GALNT16: variants seen among roughly 807,000 people sequenced by gnomAD.
GALNT16 encodes UDP-GalNAc:polypeptide N-acetylgalactosaminyltransferase-like protein 1.
GALNT16 carries 40 observed loss-of-function variants against 76.1 expected under a neutral mutation model. The observed-to-expected ratio is 0.53, with a 90% confidence interval of 0.41 to 0.68. The LOEUF (loss-of-function observed/expected upper bound fraction) is 0.68. Among genes scored for constraint, GALNT16 ranks in the 30% least tolerant of loss-of-function variants. The pLI is 0.00. For missense variants in GALNT16, 621 were observed against 731.9 expected, an observed-to-expected ratio of 0.85 and a Z score of 1.75; for synonymous variants, 276 against 285.2, an observed-to-expected ratio of 0.97 and a Z score of 0.32.
chr14:69,289,126 C>T (rs1299985244), intron 1 of GALNT16, among the ~76,000 whole-genome samples: 1 of 152,194 alleles, frequency 6.6e-6, no homozygotes, highest in African/African-American at 2.4e-5. Flanking sequence ...AATCCTCCTA[C>T]CTCGGCCTCC....
intron 2 of GALNT16, among the ~76,000 whole-genome samples, chr14:69,322,990 ACGCGCGCACGCATG>A (rs2045224361): frequency 4.4e-5 from 1 of 22,644 alleles, no homozygotes; most frequent in Admixed American, 5.3e-4. Flanking sequence ...GTGCGCGCGC[ACGCGCGCACGCATG>A]CACACGTGTA....
chr14:69,385,651 GAA>G, the GALNT16 span, among the ~76,000 whole-genome samples: 456 of 126,478 alleles, frequency 3.6e-3, 5 homozygotes, highest in African/African-American at 0.012. Context: ...TAAAAAAAAG[GAA>G]AAAAAAAAAA....
In GALNT16 at chr14:69,322,981, T is replaced by TGTGTGCGCGC. The variant is rs1196943800; in HGVS notation, c.336-1710_336-1709insTGTGCGCGCG. On this transcript the variant is annotated intron_variant, in intron 2 of 14. Transcript: ENST00000448469. ...GTGTGTGTGTGTGTGTGTGTGTGTG[T>TGTGTGCGCGC]GCGCGCGCACGCGCGCACGCATGCA... is the stretch of plus-strand genomic sequence containing the variant. Among the ~76,000 whole-genome samples, 13 of 28,348 alleles carry TGTGTGCGCGC rather than the reference T, an allele frequency of 4.6e-4. 1 individual carries two copies. The highest frequency in any genetic ancestry group is 3.2e-3 in the Admixed American group (8 of 2,510). The allele number at this position is 28,348 out of a possible 152,430, so 18.6% of individuals were successfully genotyped here.
At chr14:69,325,486 G>T (rs2045269435) in intron 4 of GALNT16, 82 bp downstream of exon 4, 2 of 868,392 alleles carry the variant, frequency 2.3e-6, no homozygotes, top group Non-Finnish European at 4.0e-6. Flanking sequence ...AGCACCCTGA[G>T]GTTGTCCTGA....
At position 69,334,337 on chromosome 14, in the gene GALNT16, C is replaced by T. The variant is rs115324682; in HGVS notation, c.967+737C>T. Among the ~76,000 whole-genome samples the T allele has an allele frequency of 2.7e-3, 412 of 152,298 alleles. 1 individual carries two copies. Among genetic ancestry groups the T allele is most frequent in the African/African-American group, 9.4e-3 (390 of 41,560 alleles). ...CCACAGAGTACCAGGGAAGGGTTAC[C>T]AAGTGGGATCGGAGCCCAAACTCTG... On this transcript the variant is annotated intron_variant, in intron 9 of 14. Coordinates refer to ENST00000448469, the MANE Select transcript of GALNT16 (RefSeq NM_001168368.2).
chr14:69,373,657 C>T, the GALNT16 span, among the ~76,000 whole-genome samples: 1 of 152,198 alleles, frequency 6.6e-6, no homozygotes, highest in African/African-American at 2.4e-5. Context: ...GTGGAGTAGA[C>T]AGGAAAGCAA....
intron 1 of GALNT16, among the ~76,000 whole-genome samples, chr14:69,316,783 G>GGCA (rs1555399670): frequency 1.7e-4 from 12 of 72,126 alleles, no homozygotes; most frequent in South Asian, 4.3e-4. Flanking sequence ...GTGAGGGGGG[G>GGCA]GGGCACTGAA....
chr14:69,347,317 A>G (rs2045578946), intron 13 of GALNT16, 136 bp downstream of exon 13: 2 of 747,910 alleles, frequency 2.7e-6, no homozygotes, highest in South Asian at 3.9e-5. Context: ...GGGCCCCTAG[A>G]CCCTGCTCCT....
At chr14:69,385,384 T>G in the GALNT16 span, among the ~76,000 whole-genome samples, 1 of 152,176 alleles carries the variant, frequency 6.6e-6, no homozygotes, top group Admixed American at 6.5e-5. Context: ...CTGTTTCAAA[T>G]GATGTCCTTG....
the GALNT16 span, among the ~76,000 whole-genome samples, chr14:69,383,752 C>A: frequency 1.3e-5 from 2 of 152,148 alleles, no homozygotes; most frequent in Non-Finnish European, 2.9e-5. Context: ...GAAGAATTAT[C>A]TAGGTAATAA....
chr14:69,292,823 G>T (rs971576383), intron 1 of GALNT16, among the ~76,000 whole-genome samples: 1 of 152,212 alleles, frequency 6.6e-6, no homozygotes, highest in African/African-American at 2.4e-5. Flanking sequence ...CTGATGACAG[G>T]GTTGGCCCAT....
In GALNT16 at chr14:69,341,694, A is replaced by G. The variant is rs1488451039; in HGVS notation, c.1201A>G (p.Ile401Val). ...CTCCTCCTACAGTGTGGCTACGCGG[A>G]TAGAGCAGAGGAAGAAGATGAACTG... ...GKAFGSVATRIEQRKKMNCKS... is the reference protein window; with the variant it reads ...GKAFGSVATRVEQRKKMNCKS... The change falls in exon 12 of 15, where the codon ATA becomes GTA. Residue 401 changes from isoleucine (I) to valine (V), a missense_variant. Physicochemically the swap from Ile to Val is conservative, Grantham distance 29 (BLOSUM62 3). Transcript: ENST00000448469. 1.9e-6 allele frequency: 3 copies of G among 1,612,056 alleles called. No homozygotes were observed. Among genetic ancestry groups the G allele is most frequent in the East Asian group, 2.2e-5 (1 of 44,800 alleles).
the GALNT16 span, among the ~76,000 whole-genome samples, chr14:69,379,344 A>G: frequency 2.5e-4 from 38 of 152,356 alleles, no homozygotes; most frequent in African/African-American, 8.7e-4. Context: ...TGGTACAGTG[A>G]TAACATTTCA....
At chr14:69,292,821 A>G (rs941994181) in intron 1 of GALNT16, among the ~76,000 whole-genome samples, 3 of 152,238 alleles carry the variant, frequency 2.0e-5, no homozygotes, top group Non-Finnish European at 4.4e-5. Flanking sequence ...GGCTGATGAC[A>G]GGGTTGGCCC....
At chr14:69,373,945 T>C in the GALNT16 span, among the ~76,000 whole-genome samples, 2 of 152,112 alleles carry the variant, frequency 1.3e-5, no homozygotes, top group African/African-American at 4.8e-5. Context: ...CACACCCAGC[T>C]AATTTTTGCA....
At chr14:69,313,585 C>G (rs2045058243) in intron 1 of GALNT16, among the ~76,000 whole-genome samples, 1 of 99,054 alleles carries the variant, frequency 1.0e-5, no homozygotes, top group African/African-American at 2.7e-5. Context: ...GGAACTCTTT[C>G]TCAGTGAAAC....
upstream of GALNT16, chr14:69,260,136 A>ACCTCCCCCCC: frequency 8.8e-6 from 1 of 113,994 alleles, no homozygotes; most frequent in Non-Finnish European, 1.8e-5. Flanking sequence ...TCTCCCTATC[A>ACCTCCCCCCC]CCCCCCCGCC....
At chr14:69,338,500 G>A (rs983288851) in intron 9 of GALNT16, 151 bp from the exon 10 acceptor site, 8 of 974,382 alleles carry the variant, frequency 8.2e-6, no homozygotes, top group Admixed American at 2.5e-5. Flanking sequence ...ACCTGTGCAA[G>A]GAGTGGGAGC....
intron 1 of GALNT16, among the ~76,000 whole-genome samples, chr14:69,262,909 T>C (rs1021350223): frequency 7.5e-4 from 112 of 150,112 alleles, no homozygotes; most frequent in South Asian, 6.3e-4. Flanking sequence ...AGATGGAGTC[T>C]CACTCTGTCA....
Sources: allele counts gnomAD v4.1 joint callset (sites outside exome capture counted in the v4.1 genomes callset), GRCh38; gene constraint gnomAD v4.1.1; transcripts MANE v1.5; gene names NCBI Gene and HGNC (gene_info 2026-07-23, HGNC 2026-07-21).